The following CMSS1 variants were observed in gnomAD, a reference collection of about 807,000 sequenced individuals.
CMSS1 encodes protein CMSS1.
Under a neutral mutation model 43.5 loss-of-function variants are expected in CMSS1, and 33 were observed. The ratio of observed to expected loss-of-function variants is 0.76; its 90% CI spans 0.57 to 1.01. CMSS1 has a LOEUF of 1.01. Ranked by LOEUF, CMSS1 falls within the 50% of genes least tolerant of loss-of-function variation. The pLI is 0.00. For synonymous variants in CMSS1, 115 were observed against 117.2 expected, an observed-to-expected ratio of 0.98 and a Z score of 0.12; for missense variants, 313 against 326.4, an observed-to-expected ratio of 0.96 and a Z score of 0.32.
intron 1 of CMSS1, among the ~76,000 whole-genome samples, chr3:99,960,504 A>G (rs570862768): frequency 5.7e-4 from 87 of 152,370 alleles, no homozygotes; most frequent in African/African-American, 2.1e-3. Context: ...GATTAGGAAT[A>G]TAAAAGATTA....
intron 1 of CMSS1, among the ~76,000 whole-genome samples, chr3:100,028,940 T>C (rs2064975872): frequency 6.6e-6 from 1 of 152,138 alleles, no homozygotes; most frequent in African/African-American, 2.4e-5. Flanking sequence ...CATATACATA[T>C]ATATCCTGTT....
At chr3:99,880,874 GTATGTGTATGTA>G (rs892599879) in intron 1 of CMSS1, among the ~76,000 whole-genome samples, 1 of 152,046 alleles carries the variant, frequency 6.6e-6, no homozygotes, top group Non-Finnish European at 1.5e-5. Context: ...GATGGACCCT[GTATGTGTATGTA>G]TATGTGTATG....
intron 1 of CMSS1, among the ~76,000 whole-genome samples, chr3:99,822,593 G>C (rs528717170): frequency 6.6e-6 from 1 of 152,266 alleles, no homozygotes; most frequent in South Asian, 2.1e-4. Context: ...TTAGCTGGGC[G>C]TGGTGGCACG....
intron 1 of CMSS1, among the ~76,000 whole-genome samples, chr3:100,091,386 T>C (rs768875453): frequency 5.9e-5 from 9 of 152,250 alleles, no homozygotes; most frequent in Non-Finnish European, 4.4e-5. Flanking sequence ...CAAAATGTTT[T>C]AATAAATGAA....
At chr3:100,104,618 A>G (rs1480175682) in intron 1 of CMSS1, among the ~76,000 whole-genome samples, 2 of 152,204 alleles carry the variant, frequency 1.3e-5, no homozygotes, top group African/African-American at 4.8e-5. Flanking sequence ...CCTGCTTTGC[A>G]TGCCCAGGAA....
intron 1 of CMSS1, among the ~76,000 whole-genome samples, chr3:100,067,584 T>A (rs919851310): frequency 6.6e-6 from 1 of 152,216 alleles, no homozygotes; most frequent in Admixed American, 6.5e-5. Flanking sequence ...CAGGTTTATT[T>A]AATGTAAATA....
intron 1 of CMSS1, among the ~76,000 whole-genome samples, chr3:100,133,970 A>C: frequency 6.6e-6 from 1 of 152,220 alleles, no homozygotes; most frequent in East Asian, 1.9e-4. Context: ...TATTAATAGT[A>C]TAATAGGTAG....
intron 1 of CMSS1, among the ~76,000 whole-genome samples, chr3:100,026,027 C>T (rs945618816): frequency 3.3e-5 from 5 of 152,072 alleles, no homozygotes; most frequent in Admixed American, 6.6e-5. Context: ...AGACTATGAC[C>T]TGAGTCTTGG....
At chr3:100,143,368 T>C (rs1253135282) in intron 1 of CMSS1, among the ~76,000 whole-genome samples, 1 of 152,258 alleles carries the variant, frequency 6.6e-6, no homozygotes, top group East Asian at 1.9e-4. Context: ...AGCAAAGCTT[T>C]GGCCTTTCAT....
chr3:99,830,464 C>T lies in CMSS1; in HGVS notation c.64+12421C>T, dbSNP rs180781706. The T allele has an allele frequency of 7.7e-5, 35 of 456,346 alleles. 1 individual carries two copies. The highest frequency in any genetic ancestry group is 4.4e-4 in the African/African-American group (22 of 50,178). The allele number at this position is 456,346 out of a possible 1,614,324, so 28.3% of individuals were successfully genotyped here. ...AAGGTGTTGGAGGTGACAGTTCTCA[C>T]GATGTGTAGCTTCCCACAGCCATTT... is the stretch of plus-strand genomic sequence containing the variant. On this transcript the variant is annotated intron_variant, in intron 1 of 9. Coordinates refer to ENST00000421999, the MANE Select transcript of CMSS1 (RefSeq NM_032359.4).
chr3:99,972,797 G>A (rs1339321110), intron 1 of CMSS1, among the ~76,000 whole-genome samples: 1 of 152,214 alleles, frequency 6.6e-6, no homozygotes, highest in African/African-American at 2.4e-5. Context: ...ACTTCCATAA[G>A]TGTGAGGCAA....
In CMSS1 at chr3:100,153,237, C is replaced by T. The variant is rs559877727; in HGVS notation, c.153+6176C>T. On this transcript the variant is annotated intron_variant, in intron 2 of 9. Coordinates refer to ENST00000421999, the MANE Select transcript of CMSS1 (RefSeq NM_032359.4). ...CTTGCCTCAGAGGCAACAACTGTTC[C>T]GATATTTTTTCTAAAAAATTAATTT... Among the ~76,000 whole-genome samples, 112 of 152,234 alleles carry T rather than the reference C, an allele frequency of 7.4e-4. 1 individual carries two copies. Among genetic ancestry groups the T allele is most frequent in the African/African-American group, 2.4e-3 (98 of 41,552 alleles).
intron 1 of CMSS1, among the ~76,000 whole-genome samples, chr3:99,956,867 C>T (rs1297555600): frequency 6.6e-6 from 1 of 152,190 alleles, no homozygotes; most frequent in Non-Finnish European, 1.5e-5. Context: ...TCATTGTACT[C>T]ATCTCCTAAT....
Position 100,042,034 on chromosome 3 carries a change from G to T in CMSS1, c.65-104939G>T, listed in dbSNP as rs960939419. Among the ~76,000 whole-genome samples, 4 of 152,066 alleles carry T rather than the reference G, an allele frequency of 2.6e-5. No individual in the cohort carries two copies. In the South Asian group the frequency reaches 8.3e-4, roughly 32 times the overall value. On this transcript the variant is annotated intron_variant, in intron 1 of 9. Coordinates refer to ENST00000421999, the MANE Select transcript of CMSS1 (RefSeq NM_032359.4). ...TTTTATTTCATATATGCCCCCTTCT[G>T]CTCCCCTTTCTCTTTATTTTGCCAT... is the stretch of plus-strand genomic sequence containing the variant.
At chr3:100,172,286 TTTTC>T in intron 7 of CMSS1, 26 bp from the exon 8 acceptor site, 1 of 1,597,608 alleles carries the variant, frequency 6.3e-7, no homozygotes, top group Non-Finnish European at 8.6e-7. Flanking sequence ...AATGACTTCC[TTTTC>T]TTTCTTCTCT....
intron 1 of CMSS1, among the ~76,000 whole-genome samples, chr3:99,879,261 CAAG>C (rs1463269762): frequency 6.6e-6 from 1 of 152,114 alleles, no homozygotes; most frequent in Non-Finnish European, 1.5e-5. Context: ...AGGCAAGAAA[CAAG>C]GAGATACCAA....
chr3:99,977,930 A>C (rs1709018133), intron 1 of CMSS1, among the ~76,000 whole-genome samples: 1 of 152,196 alleles, frequency 6.6e-6, no homozygotes, highest in Non-Finnish European at 1.5e-5. Context: ...AAAAAATTGC[A>C]GGAAAAATAG....
chr3:100,035,971 G>A (rs994921652), intron 1 of CMSS1, among the ~76,000 whole-genome samples: 4 of 152,126 alleles, frequency 2.6e-5, no homozygotes, highest in Admixed American at 2.6e-4. Flanking sequence ...TTATTCTCAG[G>A]GATCTCATCA....
intron 1 of CMSS1, among the ~76,000 whole-genome samples, chr3:100,087,272 A>G (rs1246806245): frequency 3.9e-5 from 6 of 152,244 alleles, no homozygotes; most frequent in Non-Finnish European, 1.5e-5. Flanking sequence ...AAGAACTGCC[A>G]AACTGTTTTC....
Sources: gnomAD v4.1 joint callset for allele counts (sites outside exome capture counted in the v4.1 genomes callset) on GRCh38, gnomAD v4.1.1 for gene constraint, MANE v1.5 for transcripts, NCBI Gene and HGNC (gene_info 2026-07-23, HGNC 2026-07-21) for gene names.